The following ABCA13 variants were observed in gnomAD, a reference collection of about 807,000 sequenced individuals.
The protein encoded by ABCA13 is ATP-binding cassette sub-family A member 13.
ABCA13 carries 476 observed loss-of-function variants against 478.7 expected under a neutral mutation model. That is an observed-to-expected ratio of 0.99 (90% confidence interval 0.92 to 1.07). ABCA13 has a LOEUF of 1.07. Among genes scored for constraint, ABCA13 ranks in the 50% least tolerant of loss-of-function variants. The pLI is 0.00. For missense variants in ABCA13, 6,060 were observed against 5,910.6 expected, an observed-to-expected ratio of 1.03 and a Z score of -0.83; for synonymous variants, 2,252 against 2,158.9, an observed-to-expected ratio of 1.04 and a Z score of -1.20.
At position 48,427,938 on chromosome 7, in the gene ABCA13, C is replaced by T. The variant is rs571468093; in HGVS notation, c.12565+67C>T. The T allele has an allele frequency of 8.9e-5, 100 of 1,122,696 alleles. No homozygotes were observed. In the Middle Eastern group the frequency reaches 1.0e-3, roughly 11 times the overall value. The allele number at this position is 1,122,696 out of a possible 1,614,324, so 69.5% of individuals were successfully genotyped here. A position where few individuals can be genotyped will look rare whatever the true frequency, so the allele number is the denominator to read the frequency against. ...ATGACACCAGCCTTATTCAACATCC[C>T]TTGTTTTAAAAGTTGTATAGCAAGG... On this transcript the variant is annotated intron_variant, in intron 42 of 61. Transcript: ENST00000435803.
chr7:48,192,800 C>T (rs563838480), intron 1 of ABCA13, among the ~76,000 whole-genome samples, 159 bp from the exon 2 acceptor site: 36 of 152,038 alleles, frequency 2.4e-4, no homozygotes, highest in African/African-American at 6.7e-4. Context: ...CAGATCTGGA[C>T]GCAATGATAA....
At chr7:48,515,501 T>C (rs1832037940) in intron 51 of ABCA13, among the ~76,000 whole-genome samples, 1 of 152,132 alleles carries the variant, frequency 6.6e-6, no homozygotes, top group Non-Finnish European at 1.5e-5. Flanking sequence ...ATCTGACACA[T>C]GTGGGGACTG....
intron 3 of ABCA13, among the ~76,000 whole-genome samples, chr7:48,206,069 G>T (rs1035738751): frequency 2.6e-5 from 4 of 152,102 alleles, no homozygotes; most frequent in African/African-American, 9.7e-5. Flanking sequence ...TAGCTTGTCT[G>T]CTTTTGGTCA....
At chr7:48,225,280 G>T (rs1248632939) in intron 5 of ABCA13, among the ~76,000 whole-genome samples, 1 of 119,094 alleles carries the variant, frequency 8.4e-6, no homozygotes, top group African/African-American at 3.2e-5. Context: ...CTCTCTCCCT[G>T]TTCAGCACAG....
chr7:48,292,303 T>G (rs2128815525), intron 20 of ABCA13, among the ~76,000 whole-genome samples: 2 of 152,258 alleles, frequency 1.3e-5, no homozygotes, highest in Middle Eastern at 6.8e-3. Flanking sequence ...TTCTTCTTAT[T>G]TTTTTCAGTT....
At chr7:48,204,588 G>C (rs1784686406) in intron 3 of ABCA13, among the ~76,000 whole-genome samples, 1 of 152,160 alleles carries the variant, frequency 6.6e-6, no homozygotes, top group African/African-American at 2.4e-5. Context: ...GATTCCTTCT[G>C]TGCCTGCCGT....
chr7:48,277,095 G>A (rs1356155049), intron 17 of ABCA13, among the ~76,000 whole-genome samples: 1 of 152,186 alleles, frequency 6.6e-6, no homozygotes, highest in Non-Finnish European at 1.5e-5. Context: ...ATTCCATGAT[G>A]TCTGCTTTAG....
rs1179314747 is a variant in ABCA13, at chr7:48,644,732, T to C, written c.15059T>C (p.Ile5020Thr). Residue 5020 changes from isoleucine (I) to threonine (T), a missense_variant, in exon 61 of 62, where the codon ATT becomes ACT. Transcript: ENST00000435803. The part of the protein sequence containing the change: ...KTFLNIKHYS[I>T]NQTTLEQVFI... The stretch of plus-strand genomic sequence containing the variant: ...TTCTTGAATATTAAGCATTATTCCA[T>C]TAACCAAACCACTTTGGAGCAGGTA... 3 of 1,605,094 alleles carry C rather than the reference T, an allele frequency of 1.9e-6. No individual in the cohort carries two copies. Among genetic ancestry groups the C allele is most frequent in the Non-Finnish European group, 2.5e-6 (3 of 1,177,504 alleles).
chr7:48,330,749 C>CCATT (rs1805258016), intron 27 of ABCA13, among the ~76,000 whole-genome samples: 1 of 150,856 alleles, frequency 6.6e-6, no homozygotes, highest in East Asian at 2.0e-4. Context: ...ATCCATCCAT[C>CCATT]CATCCATCCA....
intron 47 of ABCA13, among the ~76,000 whole-genome samples, chr7:48,487,411 C>T (rs993094699): frequency 1.3e-5 from 2 of 151,906 alleles, no homozygotes; most frequent in Non-Finnish European, 2.9e-5. Context: ...CAGGCAGCCT[C>T]CTGTCTTTCC....
chr7:48,239,620 CCAAA>C (rs987537179), intron 9 of ABCA13, among the ~76,000 whole-genome samples: 7 of 152,240 alleles, frequency 4.6e-5, no homozygotes, highest in African/African-American at 1.7e-4. Flanking sequence ...ACACTCATCA[CCAAA>C]CAGTCTATCC....
intron 3 of ABCA13, among the ~76,000 whole-genome samples, chr7:48,203,719 T>C (rs576456832): frequency 6.6e-6 from 1 of 152,340 alleles, no homozygotes; most frequent in Admixed American, 6.5e-5. Flanking sequence ...TAAAATGCTT[T>C]GTAATGCGAA....
At chr7:48,626,998 G>C (rs1793726345) in intron 59 of ABCA13, 19 of 985,408 alleles carry the variant, frequency 1.9e-5, no homozygotes, top group Non-Finnish European at 2.2e-5. Context: ...TCACAACTTT[G>C]AAGCAATATT....
chr7:48,631,742 C>T (rs370042341), intron 59 of ABCA13, among the ~76,000 whole-genome samples: 2 of 151,782 alleles, frequency 1.3e-5, no homozygotes, highest in East Asian at 3.9e-4. Context: ...TACATTGAAT[C>T]TGTAGATTGC....
intron 51 of ABCA13, among the ~76,000 whole-genome samples, chr7:48,511,913 G>A (rs1881078): frequency 0.86 from 130,646 of 152,210 alleles, 56,418 homozygotes; most frequent in African/African-American, 0.94. Context: ...GATTACAAAT[G>A]AAGTGATTTT....
intron 48 of ABCA13, among the ~76,000 whole-genome samples, chr7:48,497,079 C>G (rs1830342965): frequency 2.0e-5 from 3 of 151,778 alleles, no homozygotes; most frequent in Admixed American, 1.3e-4. Context: ...ATTATTAGCT[C>G]TTGTATTGTT....
intron 55 of ABCA13, among the ~76,000 whole-genome samples, chr7:48,553,312 C>T (rs1785497220): frequency 6.6e-6 from 1 of 152,102 alleles, no homozygotes; most frequent in African/African-American, 2.4e-5. Context: ...GATTTCCTTT[C>T]TTTTGGGTAT....
At chr7:48,419,359 C>T (rs563237949) in intron 41 of ABCA13, among the ~76,000 whole-genome samples, 1 of 152,282 alleles carries the variant, frequency 6.6e-6, no homozygotes, top group East Asian at 1.9e-4. Flanking sequence ...TTGGAAATTT[C>T]TCAGTCTTCC....
chr7:48,259,893 G>T (rs1476033161), intron 15 of ABCA13, among the ~76,000 whole-genome samples: 1 of 151,826 alleles, frequency 6.6e-6, no homozygotes, highest in Admixed American at 6.6e-5. Flanking sequence ...CCTTAGCTTG[G>T]TCTGTTCTGC....
Sources: gnomAD v4.1 joint callset for allele counts (sites outside exome capture counted in the v4.1 genomes callset) on GRCh38, gnomAD v4.1.1 for gene constraint, MANE v1.5 for transcripts, NCBI Gene and HGNC (gene_info 2026-07-23, HGNC 2026-07-21) for gene names.